SASH1: variants seen among roughly 807,000 people sequenced by gnomAD.
SASH1 encodes the protein SAM and SH3 domain containing 1.
In SASH1, 44 loss-of-function variants were observed where a neutral mutation model predicts 125.2. The observed-to-expected ratio is 0.35, with a 90% CI of 0.28 to 0.45. The LOEUF (loss-of-function observed/expected upper bound fraction) is 0.45, where lower values mean the gene tolerates loss of function less well. SASH1 is among the 20% of genes least tolerant of loss of function. The probability of loss-of-function intolerance (pLI) is 1.00; values close to 1 mark genes in which losing one functional copy is unlikely to be tolerated. For missense variants in SASH1, 1,426 were observed against 1,614.5 expected (o/e 0.88, Z 2.00); for synonymous variants, 639 against 649.1 (o/e 0.98, Z 0.24).
chr6:148,488,515 AG>A (rs1294258149), intron 8 of SASH1, among the ~76,000 whole-genome samples: 2 of 152,196 alleles, frequency 1.3e-5, no homozygotes, highest in Non-Finnish European at 2.9e-5. Context: ...GCACATACCT[AG>A]GGGTAGAATT....
intron 6 of SASH1, 106 bp downstream of exon 6, chr6:148,471,609 A>G: frequency 4.3e-6 from 3 of 704,410 alleles, no homozygotes; most frequent in South Asian, 1.7e-5. Context: ...AACTCACCGC[A>G]TGTGCCCATA....
intron 8 of SASH1, among the ~76,000 whole-genome samples, chr6:148,496,458 C>T (rs1267787629): frequency 6.6e-6 from 1 of 152,210 alleles, no homozygotes; most frequent in African/African-American, 2.4e-5. Flanking sequence ...AGAAACAAAA[C>T]ATAGCAATAA....
intron 1 of SASH1, among the ~76,000 whole-genome samples, chr6:148,286,226 AT>A (rs1000848854): frequency 1.6e-4 from 24 of 152,060 alleles, no homozygotes; most frequent in East Asian, 5.8e-4. Flanking sequence ...AAAAAAAAAA[AT>A]AAAATAATTT....
chr6:148,260,722 T>TA, the SASH1 span, among the ~76,000 whole-genome samples: 1 of 151,196 alleles, frequency 6.6e-6, no homozygotes, highest in Non-Finnish European at 1.5e-5. Context: ...GATATATAAA[T>TA]ATAATAACAT....
At chr6:148,448,140 A>ATGTG (rs1247164357) in intron 4 of SASH1, among the ~76,000 whole-genome samples, 5 of 66,272 alleles carry the variant, frequency 7.5e-5, no homozygotes, top group Non-Finnish European at 1.8e-4. Context: ...GTGTGTGTGT[A>ATGTG]TGTGTGTGTG....
At chr6:148,230,226 A>G in the SASH1 span, among the ~76,000 whole-genome samples, 1 of 152,188 alleles carries the variant, frequency 6.6e-6, no homozygotes, top group South Asian at 2.1e-4. Flanking sequence ...TCCATTTTCT[A>G]TCCTGTGTCA....
At chr6:148,451,965 A>G (rs968726960) in intron 4 of SASH1, among the ~76,000 whole-genome samples, 2 of 151,884 alleles carry the variant, frequency 1.3e-5, no homozygotes, top group African/African-American at 4.8e-5. Context: ...GCCTGTGTGT[A>G]TGGGAGTGAG....
chr6:148,483,374 C>T (rs1778712594), intron 7 of SASH1, among the ~76,000 whole-genome samples: 1 of 152,202 alleles, frequency 6.6e-6, no homozygotes, highest in African/African-American at 2.4e-5. Context: ...CTCATGGCCC[C>T]AAACACCTCT....
chr6:148,218,883 C>A, the SASH1 span, among the ~76,000 whole-genome samples: 1 of 152,164 alleles, frequency 6.6e-6, no homozygotes, highest in Non-Finnish European at 1.5e-5. Context: ...TGAAAAGGAT[C>A]TTGCATTTTT....
At chr6:148,542,970 A>G (rs1782322666) in intron 17 of SASH1, among the ~76,000 whole-genome samples, 1 of 152,216 alleles carries the variant, frequency 6.6e-6, no homozygotes, top group African/African-American at 2.4e-5. Flanking sequence ...CTTATCCAAC[A>G]GCAGCAGTTT....
intron 4 of SASH1, among the ~76,000 whole-genome samples, chr6:148,444,210 G>A (rs11155569): frequency 0.84 from 127,752 of 152,224 alleles, 53,852 homozygotes; most frequent in African/African-American, 0.91. Context: ...TTGCCCAGCT[G>A]AAACCTATTC....
chr6:148,263,556 G>A, the SASH1 span, among the ~76,000 whole-genome samples: 2 of 152,230 alleles, frequency 1.3e-5, no homozygotes, highest in Non-Finnish European at 1.5e-5. Flanking sequence ...TCTGATGGAG[G>A]TGATATTAAC....
chr6:148,461,385 C>T (rs1392531096), intron 4 of SASH1, among the ~76,000 whole-genome samples: 1 of 152,136 alleles, frequency 6.6e-6, no homozygotes, highest in African/African-American at 2.4e-5. Flanking sequence ...TTGTTTTGAC[C>T]GGCTTGACAA....
the SASH1 span, among the ~76,000 whole-genome samples, chr6:148,205,060 A>C: frequency 6.6e-6 from 1 of 152,046 alleles, no homozygotes; most frequent in Non-Finnish European, 1.5e-5. Context: ...CTAATTTCCA[A>C]CTTGTATCAG....
chr6:148,400,754 G>C (rs1784137805), intron 2 of SASH1, among the ~76,000 whole-genome samples: 1 of 151,916 alleles, frequency 6.6e-6, no homozygotes, highest in Non-Finnish European at 1.5e-5. Flanking sequence ...TTGTCTGGGG[G>C]AAAAAGAAAG....
intron 2 of SASH1, among the ~76,000 whole-genome samples, chr6:148,425,687 C>T (rs1775780978): frequency 7.9e-6 from 1 of 126,586 alleles, no homozygotes; most frequent in Admixed American, 8.1e-5. Context: ...CTTTCCCCTC[C>T]CCTCCCCTCC....
the SASH1 span, among the ~76,000 whole-genome samples, chr6:148,223,260 A>C: frequency 1.3e-5 from 2 of 152,222 alleles, no homozygotes; most frequent in African/African-American, 4.8e-5. Flanking sequence ...AAATATAGTT[A>C]TATCTGTGAC....
chr6:148,465,459 G>A (rs372254832), intron 4 of SASH1, among the ~76,000 whole-genome samples: 16 of 151,462 alleles, frequency 1.1e-4, no homozygotes, highest in Admixed American at 2.6e-4. Flanking sequence ...CAGGAGAATC[G>A]CATGAACCTG....
At chr6:148,398,141 G>A (rs751349412) in intron 2 of SASH1, among the ~76,000 whole-genome samples, 4 of 152,168 alleles carry the variant, frequency 2.6e-5, no homozygotes, top group East Asian at 3.8e-4. Flanking sequence ...TGGTATAAAC[G>A]ATGTGAGGGG....
Sources: allele counts gnomAD v4.1 joint callset (sites outside exome capture counted in the v4.1 genomes callset), GRCh38; gene constraint gnomAD v4.1.1; transcripts MANE v1.5; gene names NCBI Gene and HGNC (gene_info 2026-07-23, HGNC 2026-07-21).